DOCK1: variants seen among roughly 807,000 people sequenced by gnomAD.
The protein encoded by DOCK1 is dedicator of cytokinesis 1, also known as dedicator of cytokinesis protein 1.
In DOCK1, 138 loss-of-function variants were observed where a neutral mutation model predicts 262.7. That is an observed-to-expected ratio of 0.53 (90% CI 0.46 to 0.61). DOCK1 has a LOEUF of 0.61. Among genes scored for constraint, DOCK1 ranks in the 20% least tolerant of loss-of-function variants. The pLI is 0.00. For missense variants in DOCK1, 1,908 were observed against 2,370.7 expected, an observed-to-expected ratio of 0.80 and a Z score of 4.05; for synonymous variants, 866 against 867.4, an observed-to-expected ratio of 1.00 and a Z score of 0.03.
intron 1 of DOCK1, among the ~76,000 whole-genome samples, chr10:126,921,542 C>T (rs140767239): frequency 1.4e-4 from 21 of 152,162 alleles, no homozygotes; most frequent in African/African-American, 3.9e-4. Context: ...AGTGGTTGCC[C>T]GGGACTAGGG....
At chr10:126,955,385 C>G (rs1320288656) in intron 1 of DOCK1, among the ~76,000 whole-genome samples, 1 of 152,220 alleles carries the variant, frequency 6.6e-6, no homozygotes, top group East Asian at 1.9e-4. Context: ...CTTGGCCTCC[C>G]AAAGGGCTGG....
intron 40 of DOCK1, among the ~76,000 whole-genome samples, chr10:127,408,635 A>G (rs1259826692): frequency 1.3e-5 from 2 of 152,238 alleles, no homozygotes; most frequent in Middle Eastern, 3.2e-3. Context: ...GAAGAAAACA[A>G]AAACAAGAAA....
intron 29 of DOCK1, among the ~76,000 whole-genome samples, chr10:127,334,917 C>T (rs1452554675): frequency 6.6e-6 from 1 of 152,134 alleles, no homozygotes; most frequent in Non-Finnish European, 1.5e-5. Flanking sequence ...ATAAGAAGAA[C>T]CTGAAGAGAG....
intron 47 of DOCK1, among the ~76,000 whole-genome samples, chr10:127,428,516 G>GTGTCCTTGGTTGGAGCTTATTT: frequency 7.1e-6 from 1 of 141,782 alleles, no homozygotes; most frequent in South Asian, 2.3e-4. Context: ...GGATTGGGGT[G>GTGTCCTTGGTTGGAGCTTATTT]CCATGTCGAT....
At chr10:127,421,520 C>T (rs1419267719) in intron 46 of DOCK1, among the ~76,000 whole-genome samples, 3 of 152,090 alleles carry the variant, frequency 2.0e-5, no homozygotes, top group African/African-American at 4.8e-5. Flanking sequence ...AGTTCAGAGG[C>T]AATAAGTACA....
chr10:127,207,892 G>A (rs1278161924), intron 27 of DOCK1, among the ~76,000 whole-genome samples: 1 of 152,156 alleles, frequency 6.6e-6, no homozygotes, highest in Non-Finnish European at 1.5e-5. Context: ...TAAGTTGTTG[G>A]ACAGAATTTT....
intron 33 of DOCK1, among the ~76,000 whole-genome samples, chr10:127,366,707 T>C (rs541653404): frequency 2.3e-4 from 35 of 152,316 alleles, no homozygotes; most frequent in Admixed American, 4.6e-4. Context: ...GACATGTGTG[T>C]GGCACATTGG....
At chr10:126,953,609 G>C (rs1458997666) in intron 1 of DOCK1, among the ~76,000 whole-genome samples, 1 of 152,100 alleles carries the variant, frequency 6.6e-6, no homozygotes, top group South Asian at 2.1e-4. Context: ...TGTCATCAGT[G>C]GAGCTCCCAT....
At chr10:126,915,145 A>T (rs978767566) in intron 1 of DOCK1, among the ~76,000 whole-genome samples, 2 of 152,098 alleles carry the variant, frequency 1.3e-5, no homozygotes, top group African/African-American at 4.8e-5. Flanking sequence ...GTTCCTATTG[A>T]TGCTTATTTT....
chr10:127,123,117 AG>A, intron 25 of DOCK1, among the ~76,000 whole-genome samples: 1 of 152,292 alleles, frequency 6.6e-6, no homozygotes, highest in Middle Eastern at 3.4e-3. Context: ...CTGGTCCGTT[AG>A]ACCTTTTCCC....
intron 38 of DOCK1, among the ~76,000 whole-genome samples, chr10:127,398,442 C>G (rs539117693): frequency 6.6e-6 from 1 of 152,204 alleles, no homozygotes; most frequent in Non-Finnish European, 1.5e-5. Context: ...ACGCATTGAG[C>G]AAAGAACGGA....
intron 33 of DOCK1, among the ~76,000 whole-genome samples, chr10:127,363,621 G>A (rs2064720464): frequency 1.3e-5 from 2 of 152,062 alleles, no homozygotes; most frequent in Admixed American, 6.5e-5. Context: ...GCTTAATGTT[G>A]GTGAGATCTA....
At chr10:127,273,521 T>G (rs186839770) in intron 29 of DOCK1, among the ~76,000 whole-genome samples, 1 of 152,240 alleles carries the variant, frequency 6.6e-6, no homozygotes, top group East Asian at 1.9e-4. Context: ...GCTTCTACTT[T>G]ATTTAAGTAA....
At chr10:127,060,168 G>T (rs1489644708) in intron 22 of DOCK1, among the ~76,000 whole-genome samples, 4 of 152,096 alleles carry the variant, frequency 2.6e-5, no homozygotes, top group Non-Finnish European at 5.9e-5. Context: ...CTTTATAGAG[G>T]TTTTCGTTTT....
intron 29 of DOCK1, among the ~76,000 whole-genome samples, chr10:127,290,993 G>A (rs1183724669): frequency 2.6e-5 from 4 of 152,160 alleles, no homozygotes; most frequent in African/African-American, 4.8e-5. Context: ...TTTTGTAAAC[G>A]TCTGGGAGGC....
At chr10:127,374,280 C>A (rs1401255306) in intron 35 of DOCK1, 66 bp downstream of exon 35, 2 of 1,514,224 alleles carry the variant, frequency 1.3e-6, no homozygotes, top group Non-Finnish European at 1.8e-6. Context: ...GCGGGGATTG[C>A]CCCAGCCCTT....
chr10:127,270,466 G>A (rs1288817588), intron 29 of DOCK1, among the ~76,000 whole-genome samples: 1 of 152,144 alleles, frequency 6.6e-6, no homozygotes, highest in African/African-American at 2.4e-5. Flanking sequence ...TCCACTGAAT[G>A]AATCACAGCT....
At chr10:127,126,746 A>T (rs2049989041) in intron 26 of DOCK1, among the ~76,000 whole-genome samples, 1 of 152,122 alleles carries the variant, frequency 6.6e-6, no homozygotes, top group African/African-American at 2.4e-5. Flanking sequence ...CTAGCCCTGG[A>T]CAGAGTGGCC....
chr10:127,377,315 A>G (rs1207434616), intron 35 of DOCK1, among the ~76,000 whole-genome samples: 1 of 152,208 alleles, frequency 6.6e-6, no homozygotes, highest in Non-Finnish European at 1.5e-5. Flanking sequence ...TACTTTTATT[A>G]CAGAAACAGA....
Sources: gnomAD v4.1 joint callset for allele counts (sites outside exome capture counted in the v4.1 genomes callset) on GRCh38, gnomAD v4.1.1 for gene constraint, MANE v1.5 for transcripts, NCBI Gene and HGNC (gene_info 2026-07-23, HGNC 2026-07-21) for gene names.